The following RSPH4A variants were observed in gnomAD, a reference collection of about 807,000 sequenced individuals.
RSPH4A encodes the protein radial spoke head component 4A.
In RSPH4A, 47 loss-of-function variants were observed where a neutral mutation model predicts 71.0. That is an observed-to-expected ratio of 0.66 (90% CI 0.52 to 0.84). The LOEUF is 0.84. Ranked by LOEUF, RSPH4A falls within the 40% of genes least tolerant of loss-of-function variation. RSPH4A has a pLI of 0.00. For missense variants in RSPH4A, 793 were observed against 855.2 expected (o/e 0.93, Z 0.91); for synonymous variants, 282 against 302.3 (o/e 0.93, Z 0.70).
At chr6:116,623,702 A>G (rs1371303701) in intron 2 of RSPH4A, among the ~76,000 whole-genome samples, 1 of 152,228 alleles carries the variant, frequency 6.6e-6, no homozygotes, top group Non-Finnish European at 1.5e-5. Flanking sequence ...GTTTTAAAAC[A>G]AGTTGCATGT....
At chr6:116,622,248 A>G (rs1775622519) in intron 1 of RSPH4A, among the ~76,000 whole-genome samples, 1 of 152,204 alleles carries the variant, frequency 6.6e-6, no homozygotes, top group African/African-American at 2.4e-5. Flanking sequence ...CAGAGTCAAC[A>G]AGATTAGAAA....
Position 116,622,618 on chromosome 6 carries a change from T to G in RSPH4A, c.687-150T>G. On this transcript the variant is annotated intron_variant, in intron 1 of 5. Coordinates refer to ENST00000229554, the MANE Select transcript of RSPH4A (RefSeq NM_001010892.3). ...AATAGTTGTTCAATAATTGCCTACT[T>G]CCTATTAATTGACCTAAGCTATATA... 5.2e-6 allele frequency: 3 copies of G among 582,492 alleles called. No homozygotes were observed. The South Asian group carries it at 6.6e-5, about 13-fold the overall frequency. The allele number at this position is 582,492 out of a possible 1,614,324, so 36.1% of individuals were successfully genotyped here. A position where few individuals can be genotyped will look rare whatever the true frequency, so the allele number is the denominator to read the frequency against.
chr6:116,620,358 A>T (rs1168907071), intron 1 of RSPH4A, among the ~76,000 whole-genome samples: 1 of 152,180 alleles, frequency 6.6e-6, no homozygotes, highest in Non-Finnish European at 1.5e-5. Context: ...TTATCCTCTA[A>T]GTACTTTAGT....
chr6:116,629,887 T>C (rs1265318029), intron 4 of RSPH4A, among the ~76,000 whole-genome samples, 185 bp downstream of exon 4: 1 of 152,236 alleles, frequency 6.6e-6, no homozygotes, highest in Non-Finnish European at 1.5e-5. Context: ...ATCAATGTTC[T>C]CTGACAGAGG....
At chr6:116,623,175 TGCAGCCTCTGCCTCTCA>T (rs1775640634) in intron 2 of RSPH4A, among the ~76,000 whole-genome samples, 173 bp downstream of exon 2, 1 of 152,144 alleles carries the variant, frequency 6.6e-6, no homozygotes, top group Non-Finnish European at 1.5e-5. Context: ...CTTGGCTCAC[TGCAGCCTCTGCCTCTCA>T]GGGTCAAGCA....
At chr6:116,625,571 T>A (rs926770531) in intron 2 of RSPH4A, among the ~76,000 whole-genome samples, 1 of 99,758 alleles carries the variant, frequency 1.0e-5, no homozygotes, top group African/African-American at 4.1e-5. Context: ...AAAGGTAGAA[T>A]GGGGCCAGAG....
intron 1 of RSPH4A, among the ~76,000 whole-genome samples, chr6:116,618,067 A>G (rs1012697400): frequency 5.9e-5 from 9 of 152,208 alleles, no homozygotes; most frequent in African/African-American, 2.2e-4. Flanking sequence ...TTGTTTTTGT[A>G]AATGAGGAGA....
intron 1 of RSPH4A, among the ~76,000 whole-genome samples, chr6:116,619,766 T>C (rs1240400863): frequency 6.6e-6 from 1 of 152,204 alleles, no homozygotes; most frequent in Non-Finnish European, 1.5e-5. Flanking sequence ...TCGCCCAGGC[T>C]GGAGTTCAGT....
At position 116,627,609 on chromosome 6, in the gene RSPH4A, C is replaced by T; in HGVS notation, c.922-20C>T. On this transcript the variant is annotated intron_variant, in intron 2 of 5. Transcript: ENST00000229554. ...ATTTGTCTTATTGATAAATTTTAAC[C>T]ACAGCATTTGTTTCCCCAGGCAGAA... 6.3e-7 allele frequency: 1 copy of T among 1,581,666 alleles called. No homozygotes were observed. Among genetic ancestry groups the T allele is most frequent in the Non-Finnish European group, 8.7e-7 (1 of 1,150,388 alleles).
chr6:116,628,250 G>T lies in RSPH4A; in HGVS notation c.1543G>T (p.Glu515Ter). The change falls in exon 3 of 6, where the codon GAG (glutamate) becomes TAG (stop). Residue 515 changes from glutamate to a stop codon, truncating the protein, a stop_gained. Coordinates refer to ENST00000229554, the MANE Select transcript of RSPH4A (RefSeq NM_001010892.3). LOFTEE classifies it high-confidence loss of function. ...FGEEEGEEEE[E>*]AEGGRNSFEE... ...TGAAGAGGAAGGAGAGGAGGAGGAA[G>T]AGGCAGAAGGTGGGCGAAATAGCTT... 1 of 1,611,908 alleles carries T rather than the reference G, an allele frequency of 6.2e-7. No homozygotes were observed. The highest frequency in any genetic ancestry group is 8.5e-7 in the Non-Finnish European group (1 of 1,178,450).
Position 116,630,418 on chromosome 6 carries a change from TTC to T in RSPH4A, c.1799-13_1799-12del, listed in dbSNP as rs778896135. On this transcript the variant is annotated splice_polypyrimidine_tract_variant and intron_variant, in intron 4 of 5. Coordinates refer to ENST00000229554, the MANE Select transcript of RSPH4A (RefSeq NM_001010892.3). ...CTAGTTAGGAATTAAGCTTTTGCAT[TTC>T]TCTTTGGGTTCCAGAGATTCAGAAT... is the stretch of plus-strand genomic sequence containing the variant. The T allele has an allele frequency of 2.8e-5, 38 of 1,359,820 alleles. 2 individuals are homozygous for T. The South Asian group carries it at 4.3e-4, about 15-fold the overall frequency. The allele number at this position is 1,359,820 out of a possible 1,614,324, so 84.2% of individuals were successfully genotyped here.
chr6:116,631,675 C>T (rs1005559176), intron 5 of RSPH4A, among the ~76,000 whole-genome samples: 8 of 152,184 alleles, frequency 5.3e-5, no homozygotes, highest in South Asian at 2.1e-4. Flanking sequence ...AAGAGCATGA[C>T]GAGCCAAAGG....
intron 4 of RSPH4A, 44 bp downstream of exon 4, chr6:116,629,746 A>T (rs367735435): frequency 6.6e-7 from 1 of 1,524,328 alleles, no homozygotes; most frequent in African/African-American, 1.4e-5. Flanking sequence ...CACAAACAAT[A>T]TAATATACTG....
intron 2 of RSPH4A, among the ~76,000 whole-genome samples, chr6:116,625,506 G>A (rs1775679872): frequency 6.6e-6 from 1 of 152,290 alleles, no homozygotes; most frequent in Middle Eastern, 3.4e-3. Context: ...AGCATGGTCT[G>A]ACTTTTGGTT....
chr6:116,623,110 G>A (rs1562390092), intron 2 of RSPH4A, 108 bp downstream of exon 2: 1 of 756,708 alleles, frequency 1.3e-6, no homozygotes, highest in Non-Finnish European at 2.3e-6. Context: ...GTTTTGTTTT[G>A]TTTTGTTTTG....
In RSPH4A at chr6:116,616,778, G is replaced by A; in HGVS notation, c.155G>A (p.Gly52Glu). ...GAGGCGAAGCAGGGGCCAGAAACTG[G>A]ACGCCAGTCCCGAAGCAGCCGTCCT... The part of the protein sequence containing the change: ...PLEAKQGPET[G>E]RQSRSSRPWS... The change falls in exon 1 of 6, where the codon GGA becomes GAA. Residue 52 changes from glycine (G) to glutamate (E), a missense_variant. By Grantham distance (98) the Gly-to-Glu change is moderately conservative. Coordinates refer to ENST00000229554, the MANE Select transcript of RSPH4A (RefSeq NM_001010892.3). The A allele has an allele frequency of 6.2e-7, 1 of 1,614,158 alleles. No individual in the cohort carries two copies. The highest frequency in any genetic ancestry group is 2.2e-5 in the East Asian group (1 of 44,854).
Position 116,622,930 on chromosome 6 carries a change from A to T in RSPH4A, c.849A>T (p.Ile283=), listed in dbSNP as rs1183884990. ...NENELLPTYE[I]AEKQKALFLQ... ...ATGAGTTGCTTCCAACATATGAAAT[A>T]GCAGAAAAGCAAAAGGCTCTTTTTC... The change falls in exon 2 of 6, where the codon ATA becomes ATT. Residue 283 remains isoleucine (I), a synonymous_variant. Coordinates refer to ENST00000229554, the MANE Select transcript of RSPH4A (RefSeq NM_001010892.3). 1 of 1,613,870 alleles carries T rather than the reference A, an allele frequency of 6.2e-7. No individual in the cohort carries two copies. Among genetic ancestry groups the T allele is most frequent in the Non-Finnish European group, 8.5e-7 (1 of 1,179,938 alleles).
chr6:116,622,619 C>G (rs775216722), intron 1 of RSPH4A, 149 bp from the exon 2 acceptor site: 4 of 583,020 alleles, frequency 6.9e-6, no homozygotes, highest in African/African-American at 1.9e-5. Context: ...TTGCCTACTT[C>G]CTATTAATTG....
rs752871767 is a variant in RSPH4A, at chr6:116,632,182, T to C, written c.1917-25T>C. ...TGAGAAATTATATAATGATCTTTTT[T>C]TCTTCTTCTTTTTCTTACTTATAGA... On this transcript the variant is annotated intron_variant, in intron 5 of 5. Coordinates refer to ENST00000229554, the MANE Select transcript of RSPH4A (RefSeq NM_001010892.3). The C allele has an allele frequency of 5.9e-6, 9 of 1,535,098 alleles. No individual in the cohort carries two copies. In the African/African-American group the frequency reaches 9.7e-5, roughly 16 times the overall value.
Sources: gnomAD v4.1 joint callset for allele counts (sites outside exome capture counted in the v4.1 genomes callset) on GRCh38, gnomAD v4.1.1 for gene constraint, MANE v1.5 for transcripts, NCBI Gene and HGNC (gene_info 2026-07-23, HGNC 2026-07-21) for gene names.